Variants in NCAM2 observed in about 807,000 individuals in gnomAD.
NCAM2 encodes neural cell adhesion molecule 2.
Under a neutral mutation model 98.1 loss-of-function variants are expected in NCAM2, and 30 were observed. The ratio of observed to expected loss-of-function variants is 0.31; its 90% CI spans 0.23 to 0.41. The LOEUF is 0.41. Among genes scored for constraint, NCAM2 ranks in the 10% least tolerant of loss-of-function variants. The probability of loss-of-function intolerance (pLI) is 1.00; values close to 1 mark genes in which losing one functional copy is unlikely to be tolerated. For missense variants in NCAM2, 867 were observed against 1,005.8 expected (o/e 0.86, Z 1.87); for synonymous variants, 368 against 342.4 (o/e 1.07, Z -0.83).
chr21:21,290,821 T>C (rs2073263599), intron 4 of NCAM2, among the ~76,000 whole-genome samples: 1 of 151,858 alleles, frequency 6.6e-6, no homozygotes, highest in South Asian at 2.1e-4. Context: ...AAGGAACGGC[T>C]ATGACAAATT....
At chr21:21,245,623 A>G (rs2071237942) in intron 1 of NCAM2, among the ~76,000 whole-genome samples, 1 of 152,164 alleles carries the variant, frequency 6.6e-6, no homozygotes, top group Non-Finnish European at 1.5e-5. Context: ...GCCTCTTTAA[A>G]CATGTGCCTA....
In NCAM2 at chr21:21,338,578, T is replaced by G. The variant is rs764916564; in HGVS notation, c.1044+44T>G. The G allele has an allele frequency of 1.0e-5, 15 of 1,481,512 alleles. No individual in the cohort carries two copies. In the Admixed American group the frequency reaches 3.6e-4, roughly 36 times the overall value. The allele number at this position is 1,481,512 out of a possible 1,614,324, so 91.8% of individuals were successfully genotyped here. The stretch of plus-strand genomic sequence containing the variant: ...GTAATGGTTTCCATTACCATGCAAT[T>G]TCAGTATTTTCAATATCATTAAATC... On this transcript the variant is annotated intron_variant, in intron 8 of 17. Transcript: ENST00000400546.
chr21:21,210,830 G>T, intron 1 of NCAM2: 1 of 290,048 alleles, frequency 3.4e-6, no homozygotes, highest in Non-Finnish European at 6.2e-6. Context: ...GGGATACTTT[G>T]ATAAATTACC....
intron 1 of NCAM2, among the ~76,000 whole-genome samples, chr21:21,274,483 A>G (rs1057339203): frequency 6.6e-6 from 1 of 152,226 alleles, no homozygotes; most frequent in Non-Finnish European, 1.5e-5. Flanking sequence ...AGAATCAAAT[A>G]ACACACATAG....
chr21:21,134,908 C>T (rs888225264), intron 1 of NCAM2, among the ~76,000 whole-genome samples: 3 of 151,940 alleles, frequency 2.0e-5, no homozygotes, highest in African/African-American at 7.2e-5. Context: ...TTTGTACAGA[C>T]ATGGTCTCAC....
At chr21:21,309,171 A>C (rs192952687) in intron 5 of NCAM2, among the ~76,000 whole-genome samples, 1 of 152,090 alleles carries the variant, frequency 6.6e-6, no homozygotes, top group Non-Finnish European at 1.5e-5. Context: ...TTTTTGGCCA[A>C]TTATATTTTA....
chr21:21,020,644 G>A (rs934471855), intron 1 of NCAM2, among the ~76,000 whole-genome samples: 2 of 152,084 alleles, frequency 1.3e-5, no homozygotes, highest in East Asian at 3.9e-4. Context: ...GCTCTCCCTC[G>A]GGACTTGGCT....
intron 5 of NCAM2, among the ~76,000 whole-genome samples, chr21:21,305,924 A>C (rs537072351): frequency 6.6e-6 from 1 of 152,066 alleles, no homozygotes; most frequent in African/African-American, 2.4e-5. Context: ...TTATTTCACA[A>C]GTTTTGATAT....
At chr21:21,346,127 T>C (rs189774359) in intron 8 of NCAM2, among the ~76,000 whole-genome samples, 38 of 151,594 alleles carry the variant, frequency 2.5e-4, no homozygotes, top group African/African-American at 8.5e-4. Flanking sequence ...ATAAGACCCA[T>C]TGATCTGTTG....
At chr21:21,447,582 TAAACTATC>T (rs1356454554) in intron 12 of NCAM2, among the ~76,000 whole-genome samples, 5 of 151,788 alleles carry the variant, frequency 3.3e-5, no homozygotes, top group Non-Finnish European at 7.4e-5. Context: ...CACAGCAAAA[TAAACTATC>T]ATCAGAGTGA....
At position 21,128,775 on chromosome 21, in the gene NCAM2, TAAAAC is replaced by T. The variant is rs531762293; in HGVS notation, c.55+130162_55+130166del. On this transcript the variant is annotated intron_variant, in intron 1 of 17. Transcript: ENST00000400546. ...TAAGAAATTATTTGACGTCAGATAA[TAAAAC>T]AAAAGATCAATGCTTAAATTAAATC... 3.6e-3 allele frequency among the ~76,000 whole-genome samples: 551 copies of T among 152,166 alleles called. 3 individuals are homozygous for T. The highest frequency in any genetic ancestry group is 0.013 in the African/African-American group (538 of 41,540).
At chr21:21,353,600 C>A (rs1406433085) in intron 8 of NCAM2, among the ~76,000 whole-genome samples, 3 of 152,148 alleles carry the variant, frequency 2.0e-5, no homozygotes, top group Non-Finnish European at 4.4e-5. Context: ...CTAGTCTCTA[C>A]CTATGAGGCA....
chr21:21,210,440 G>A, intron 1 of NCAM2: 1 of 959,480 alleles, frequency 1.0e-6, no homozygotes, highest in Non-Finnish European at 1.4e-6. Context: ...AAGAGCACCA[G>A]GACACTCCAT....
intron 1 of NCAM2, among the ~76,000 whole-genome samples, chr21:21,166,762 CT>C (rs542481905): frequency 2.0e-5 from 3 of 152,134 alleles, no homozygotes; most frequent in Non-Finnish European, 2.9e-5. Flanking sequence ...AATGATGCCT[CT>C]AGGTTTACCA....
chr21:21,124,305 C>G (rs960815170), intron 1 of NCAM2, among the ~76,000 whole-genome samples: 4 of 152,038 alleles, frequency 2.6e-5, no homozygotes, highest in Non-Finnish European at 5.9e-5. Flanking sequence ...ATAATTCATT[C>G]TTATATTTAG....
chr21:21,302,389 T>C (rs541608849), intron 5 of NCAM2, among the ~76,000 whole-genome samples: 275 of 152,250 alleles, frequency 1.8e-3, no homozygotes, highest in Non-Finnish European at 3.1e-3. Context: ...TCCCCAGTGC[T>C]TGTTTTTTTG....
chr21:21,225,268 G>A (rs1274513750), intron 1 of NCAM2, among the ~76,000 whole-genome samples: 1 of 152,092 alleles, frequency 6.6e-6, no homozygotes, highest in Admixed American at 6.6e-5. Flanking sequence ...GGGTCGGGAG[G>A]GAGAGCATTA....
intron 1 of NCAM2, among the ~76,000 whole-genome samples, chr21:21,045,005 T>C (rs1347918829): frequency 6.6e-6 from 1 of 152,162 alleles, no homozygotes; most frequent in African/African-American, 2.4e-5. Context: ...TATATCTATA[T>C]ATAAAAACAC....
At chr21:21,072,044 C>G (rs2065583295) in intron 1 of NCAM2, among the ~76,000 whole-genome samples, 1 of 152,064 alleles carries the variant, frequency 6.6e-6, no homozygotes. Flanking sequence ...TCCCGAGTAG[C>G]TGGGACTACA....
Sources: allele counts gnomAD v4.1 joint callset (sites outside exome capture counted in the v4.1 genomes callset), GRCh38; gene constraint gnomAD v4.1.1; transcripts MANE v1.5; gene names NCBI Gene and HGNC (gene_info 2026-07-23, HGNC 2026-07-21).